Variants in TDRD10 observed in about 807,000 individuals in gnomAD.
TDRD10 encodes tudor domain containing 10.
In TDRD10, 40 loss-of-function variants were observed where a neutral mutation model predicts 48.0. The observed-to-expected ratio is 0.83, with a 90% confidence interval of 0.65 to 1.09. The LOEUF (loss-of-function observed/expected upper bound fraction) is 1.09. Among genes scored for constraint, TDRD10 ranks in the 50% least tolerant of loss-of-function variants. The pLI, the probability that TDRD10 is intolerant of heterozygous loss-of-function variation, is 0.00. For missense variants in TDRD10, 378 were observed against 434.7 expected (o/e 0.87, Z 1.16); for synonymous variants, 162 against 170.4 (o/e 0.95, Z 0.38).
chr1:154,524,396 G>C (rs1208241121), intron 6 of TDRD10, among the ~76,000 whole-genome samples: 1 of 152,044 alleles, frequency 6.6e-6, no homozygotes, highest in Non-Finnish European at 1.5e-5. Context: ...CGAACTCCTG[G>C]GCTTAAGTGA....
At chr1:154,519,801 G>A (rs1214020649) in intron 4 of TDRD10, among the ~76,000 whole-genome samples, 1 of 152,222 alleles carries the variant, frequency 6.6e-6, no homozygotes, top group Non-Finnish European at 1.5e-5. Flanking sequence ...GAGCAGGATG[G>A]GGAGGAGGGG....
intron 1 of TDRD10, 145 bp from the exon 2 acceptor site, chr1:154,506,732 A>G (rs1693174007): frequency 1.4e-6 from 1 of 699,294 alleles, no homozygotes; most frequent in Non-Finnish European, 2.5e-6. Context: ...CGTGAAATCT[A>G]ATACATTCAT....
chr1:154,542,665 G>A, intron 7 of TDRD10, 66 bp from the exon 8 acceptor site: 1 of 1,363,376 alleles, frequency 7.3e-7, no homozygotes. Context: ...GCCTCTTGTG[G>A]GTTAGGGGAG....
At position 154,544,418 on chromosome 1, in the gene TDRD10, C is replaced by G. The variant is rs763789433; in HGVS notation, c.698C>G (p.Ala233Gly). 1.9e-6 allele frequency: 3 copies of G among 1,604,134 alleles called. No homozygotes were observed. The highest frequency in any genetic ancestry group is 2.7e-5 in the African/African-American group (2 of 74,994). Residue 233 changes from alanine (A) to glycine (G), a missense_variant, in exon 10 of 13, where the codon GCG becomes GGG. By Grantham distance (60) the Ala-to-Gly change is moderately conservative (BLOSUM62 0). Coordinates refer to ENST00000368482, the MANE Select transcript of TDRD10 (RefSeq NM_182499.4). ...MQALFSTLAQ[A>G]EEQQPYLEGS... Reference sequence around the variant, plus strand: ...GCTCTGTTTAGCACCCTGGCTCAGGCGGAGGAGCAGCAGCCCTACCTGGAG... The same window carrying G: ...GCTCTGTTTAGCACCCTGGCTCAGGGGGAGGAGCAGCAGCCCTACCTGGAG...
chr1:154,506,722 C>T (rs558669495), intron 1 of TDRD10, among the ~76,000 whole-genome samples, 155 bp from the exon 2 acceptor site: 2 of 152,244 alleles, frequency 1.3e-5, no homozygotes, highest in South Asian at 2.1e-4. Flanking sequence ...GCAACCTTGC[C>T]GTGAAATCTA....
chr1:154,536,125 C>T (rs1694908296), intron 6 of TDRD10, among the ~76,000 whole-genome samples: 1 of 152,188 alleles, frequency 6.6e-6, no homozygotes, highest in Non-Finnish European at 1.5e-5. Context: ...CGCCTGTAAT[C>T]CCAGCACTTT....
At chr1:154,542,945 C>T (rs890220957) in intron 8 of TDRD10, 124 bp downstream of exon 8, 3 of 715,260 alleles carry the variant, frequency 4.2e-6, no homozygotes, top group Middle Eastern at 4.1e-4. Flanking sequence ...CTGTGTCAGA[C>T]CCAGGCTGTA....
At chr1:154,519,923 A>C (rs1693970187) in intron 4 of TDRD10, among the ~76,000 whole-genome samples, 1 of 152,190 alleles carries the variant, frequency 6.6e-6, no homozygotes, top group African/African-American at 2.4e-5. Flanking sequence ...GGCAGGGTTG[A>C]GAAGCAGTGA....
intron 1 of TDRD10, among the ~76,000 whole-genome samples, chr1:154,505,020 C>G (rs991976811): frequency 6.6e-6 from 1 of 152,104 alleles, no homozygotes; most frequent in Non-Finnish European, 1.5e-5. Flanking sequence ...AAAAACTACA[C>G]AAATAGGTTA....
intron 5 of TDRD10, among the ~76,000 whole-genome samples, chr1:154,521,020 T>C (rs544918027): frequency 1.3e-5 from 2 of 152,300 alleles, no homozygotes; most frequent in East Asian, 3.9e-4. Flanking sequence ...ATTGCAGATA[T>C]GAGCCACCAC....
At chr1:154,524,459 A>G (rs1334807358) in intron 6 of TDRD10, among the ~76,000 whole-genome samples, 1 of 152,180 alleles carries the variant, frequency 6.6e-6, no homozygotes, top group African/African-American at 2.4e-5. Context: ...GAGCTGAGCC[A>G]CTGCACCCAG....
At chr1:154,530,866 AT>A (rs112779412) in intron 6 of TDRD10, among the ~76,000 whole-genome samples, 44,397 of 137,384 alleles carry the variant, frequency 0.32, 6,687 homozygotes, top group South Asian at 0.41. Flanking sequence ...TTCAGTTTAA[AT>A]TTTTTTTTTT....
chr1:154,507,621 C>G (rs1253846498), intron 3 of TDRD10, among the ~76,000 whole-genome samples: 1 of 152,180 alleles, frequency 6.6e-6, no homozygotes, highest in African/African-American at 2.4e-5. Flanking sequence ...TTTCTGAAAC[C>G]CAGGTCTATT....
intron 6 of TDRD10, among the ~76,000 whole-genome samples, chr1:154,532,458 T>C (rs929532171): frequency 4.6e-5 from 7 of 151,914 alleles, no homozygotes; most frequent in African/African-American, 1.7e-4. Flanking sequence ...TGCTTCTCCC[T>C]CCACACCTGC....
At chr1:154,538,744 TCGGGAGG>T (rs1695058508) in intron 6 of TDRD10, among the ~76,000 whole-genome samples, 1 of 150,538 alleles carries the variant, frequency 6.6e-6, no homozygotes. Flanking sequence ...TCTGAGCTAC[TCGGGAGG>T]CTGAGGCAGG....
chr1:154,511,756 G>C (rs1415352067), intron 4 of TDRD10, among the ~76,000 whole-genome samples: 1 of 152,074 alleles, frequency 6.6e-6, no homozygotes, highest in African/African-American at 2.4e-5. Context: ...GCTGAGGCAG[G>C]GGAATCACTT....
At chr1:154,517,420 C>CTT (rs991043116) in intron 4 of TDRD10, among the ~76,000 whole-genome samples, 29 of 138,464 alleles carry the variant, frequency 2.1e-4, no homozygotes, top group East Asian at 6.2e-4. Context: ...GATATTAGAC[C>CTT]TTTTTTTTTT....
At chr1:154,511,839 T>TC (rs1693494730) in intron 4 of TDRD10, among the ~76,000 whole-genome samples, 1 of 151,482 alleles carries the variant, frequency 6.6e-6, no homozygotes, top group South Asian at 2.1e-4. Context: ...AGAGCAAGAC[T>TC]CCATCTCAAA....
intron 1 of TDRD10, among the ~76,000 whole-genome samples, chr1:154,506,317 A>G (rs1037526461): frequency 3.8e-4 from 58 of 151,462 alleles, no homozygotes; most frequent in African/African-American, 1.3e-3. Context: ...AAAGCTAACA[A>G]CAGTAGTAGA....
Sources: gnomAD v4.1 joint callset for allele counts (sites outside exome capture counted in the v4.1 genomes callset) on GRCh38, gnomAD v4.1.1 for gene constraint, MANE v1.5 for transcripts, NCBI Gene and HGNC (gene_info 2026-07-23, HGNC 2026-07-21) for gene names.